FER1L6: variants seen among roughly 807,000 people sequenced by gnomAD.
FER1L6 encodes fer-1 like family member 6, also known as fer-1-like protein 6.
In FER1L6, 177 loss-of-function variants were observed where a neutral mutation model predicts 219.2. The ratio of observed to expected loss-of-function variants is 0.81; its 90% CI spans 0.71 to 0.91. The LOEUF is 0.91. Ranked by LOEUF, FER1L6 falls within the 40% of genes least tolerant of loss-of-function variation. The probability of loss-of-function intolerance (pLI) is 0.00; values close to 1 mark genes in which losing one functional copy is unlikely to be tolerated. For synonymous variants in FER1L6, 768 were observed against 824.3 expected (o/e 0.93, Z 1.17); for missense variants, 2,153 against 2,259.9 (o/e 0.95, Z 0.96).
intron 22 of FER1L6, among the ~76,000 whole-genome samples, chr8:124,059,726 G>GT (rs1820473077): frequency 6.6e-6 from 1 of 152,210 alleles, no homozygotes; most frequent in Admixed American, 6.5e-5. Context: ...TGTAGTAGTA[G>GT]TATTAGTATT....
chr8:123,906,937 G>A (rs1230751340), intron 1 of FER1L6, among the ~76,000 whole-genome samples: 1 of 151,992 alleles, frequency 6.6e-6, no homozygotes, highest in African/African-American at 2.4e-5. Flanking sequence ...TTGATATTCT[G>A]TAACCTGTGG....
At chr8:124,015,972 C>T (rs1367922116) in intron 15 of FER1L6, 1 of 152,828 alleles carries the variant, frequency 6.5e-6, no homozygotes, top group Non-Finnish European at 1.5e-5. Flanking sequence ...TGCCCCTCAC[C>T]AGGAGAGGGC....
intron 9 of FER1L6, among the ~76,000 whole-genome samples, chr8:123,977,106 C>T (rs532268270): frequency 1.3e-5 from 2 of 152,192 alleles, no homozygotes. Flanking sequence ...CATACTTCTA[C>T]AAAATATGAG....
At chr8:123,862,716 A>T (rs1195948921) in intron 1 of FER1L6, among the ~76,000 whole-genome samples, 1 of 133,572 alleles carries the variant, frequency 7.5e-6, no homozygotes, top group Non-Finnish European at 1.6e-5. Flanking sequence ...GGGAGAGTGT[A>T]TGTGTCGAGG....
intron 1 of FER1L6, among the ~76,000 whole-genome samples, chr8:123,864,136 G>A (rs978615562): frequency 6.7e-6 from 1 of 149,652 alleles, no homozygotes; most frequent in Non-Finnish European, 1.5e-5. Flanking sequence ...TCCTTTCCAT[G>A]TTTAGCGCTT....
In FER1L6 at chr8:123,953,843, G is replaced by A. The variant is rs1349152631; in HGVS notation, c.-7-2149G>A. 3.9e-5 allele frequency among the ~76,000 whole-genome samples: 6 copies of A among 152,150 alleles called. No homozygotes were observed. The East Asian group carries it at 1.2e-3, about 29-fold the overall frequency. On this transcript the variant is annotated intron_variant, in intron 1 of 40. Transcript: ENST00000522917. ...GGACCATAAATGCTGATTCGGGGTTGGGAAGGTACTAGCTTTAGGTCCCTG... is the reference window on the plus strand; with the variant it reads ...GGACCATAAATGCTGATTCGGGGTTAGGAAGGTACTAGCTTTAGGTCCCTG...
At chr8:124,040,537 G>A (rs1476494014) in intron 20 of FER1L6, 1 of 167,204 alleles carries the variant, frequency 6.0e-6, no homozygotes, top group Non-Finnish European at 1.3e-5. Context: ...AGTATTAAGG[G>A]AGATGGGTTG....
chr8:123,939,401 A>G (rs1814138410), intron 1 of FER1L6, among the ~76,000 whole-genome samples: 1 of 152,210 alleles, frequency 6.6e-6, no homozygotes, highest in African/African-American at 2.4e-5. Flanking sequence ...TCTGGATTAG[A>G]GTGCTGTTAG....
intron 1 of FER1L6, among the ~76,000 whole-genome samples, chr8:123,933,159 C>G (rs942312304): frequency 9.2e-5 from 14 of 152,138 alleles, no homozygotes; most frequent in African/African-American, 3.4e-4. Context: ...GGCTGGAGGG[C>G]TCTGGACAGC....
At chr8:124,093,276 G>T (rs1000376253) in intron 34 of FER1L6, among the ~76,000 whole-genome samples, 1 of 151,932 alleles carries the variant, frequency 6.6e-6, no homozygotes, top group Non-Finnish European at 1.5e-5. Flanking sequence ...ATTACAGTTC[G>T]ACATGAGATT....
intron 12 of FER1L6, among the ~76,000 whole-genome samples, chr8:123,993,438 T>A (rs1378925525): frequency 1.5e-5 from 2 of 133,402 alleles, no homozygotes; most frequent in East Asian, 2.1e-4. Flanking sequence ...CGAGACTCCG[T>A]CTCAAAAAAA....
chr8:123,861,336 T>A (rs1428681683), intron 1 of FER1L6, among the ~76,000 whole-genome samples: 1 of 146,064 alleles, frequency 6.8e-6, no homozygotes, highest in African/African-American at 2.7e-5. Context: ...GTTCCATTGA[T>A]CTATATCTCT....
chr8:124,065,873 C>T (rs1820810546), intron 26 of FER1L6, among the ~76,000 whole-genome samples: 1 of 152,184 alleles, frequency 6.6e-6, no homozygotes, highest in South Asian at 2.1e-4. Context: ...CACTCCCTCT[C>T]CTGCCACCCC....
In FER1L6 at chr8:123,866,584, CTG is replaced by C. The variant is rs958991736; in HGVS notation, c.-8+14402_-8+14403del. ...AACATCATGCTACTTCCTGAAATGT[CTG>C]TGCTAATTTATATTCTCACCAACAG... is the stretch of plus-strand genomic sequence containing the variant. On this transcript the variant is annotated intron_variant, in intron 1 of 40. Coordinates refer to ENST00000522917, the MANE Select transcript of FER1L6 (RefSeq NM_001039112.2). Among the ~76,000 whole-genome samples the C allele has an allele frequency of 5.5e-4, 83 of 152,266 alleles. 1 individual carries two copies. The highest frequency in any genetic ancestry group is 1.9e-3 in the African/African-American group (79 of 41,554).
chr8:123,903,164 T>C (rs898900076), intron 1 of FER1L6, among the ~76,000 whole-genome samples: 4 of 152,194 alleles, frequency 2.6e-5, no homozygotes, highest in Non-Finnish European at 4.4e-5. Context: ...ATACTTGCAG[T>C]TGGTGCTTGC....
At chr8:124,107,296 A>T (rs1265913174) in intron 39 of FER1L6, among the ~76,000 whole-genome samples, 1 of 152,170 alleles carries the variant, frequency 6.6e-6, no homozygotes, top group Non-Finnish European at 1.5e-5. Context: ...TGAGCACATA[A>T]GTGCTCAGTA....
chr8:124,043,025 C>T (rs1025748868), intron 20 of FER1L6, among the ~76,000 whole-genome samples: 12 of 152,136 alleles, frequency 7.9e-5, no homozygotes, highest in South Asian at 2.1e-4. Flanking sequence ...GGGTGAAGCA[C>T]GGAACCTGCC....
intron 39 of FER1L6, among the ~76,000 whole-genome samples, chr8:124,115,731 A>G (rs1366126017): frequency 1.3e-5 from 2 of 152,190 alleles, no homozygotes; most frequent in African/African-American, 4.8e-5. Flanking sequence ...TTATTTTTCA[A>G]AGCAACCGTA....
At chr8:123,921,778 C>T (rs941259062) in intron 1 of FER1L6, among the ~76,000 whole-genome samples, 1 of 151,862 alleles carries the variant, frequency 6.6e-6, no homozygotes, top group Non-Finnish European at 1.5e-5. Flanking sequence ...CACCACAGGG[C>T]GGCTGTGGGG....
Sources: allele counts gnomAD v4.1 joint callset (sites outside exome capture counted in the v4.1 genomes callset), GRCh38; gene constraint gnomAD v4.1.1; transcripts MANE v1.5; gene names NCBI Gene and HGNC (gene_info 2026-07-23, HGNC 2026-07-21).